The following CRTAP variants were observed in gnomAD, a reference collection of about 807,000 sequenced individuals.
CRTAP encodes cartilage-associated protein.
Under a neutral mutation model 42.7 loss-of-function variants are expected in CRTAP, and 33 were observed. The ratio of observed to expected loss-of-function variants is 0.77; its 90% confidence interval spans 0.59 to 1.03. CRTAP has a LOEUF of 1.03. Among genes scored for constraint, CRTAP ranks in the 50% least tolerant of loss-of-function variants. The pLI is 0.00. For synonymous variants in CRTAP, 243 were observed against 217.7 expected (o/e 1.12, Z -1.02); for missense variants, 613 against 533.9 (o/e 1.15, Z -1.46).
At chr3:33,135,605 T>C (rs2030397676) in intron 6 of CRTAP, among the ~76,000 whole-genome samples, 1 of 139,418 alleles carries the variant, frequency 7.2e-6, no homozygotes, top group South Asian at 2.2e-4. Context: ...AGACCCTGCC[T>C]CAAAAAAAAA....
intron 3 of CRTAP, 114 bp from the exon 4 acceptor site, chr3:33,129,825 C>T: frequency 9.4e-7 from 1 of 1,060,608 alleles, no homozygotes; most frequent in Non-Finnish European, 1.4e-6. Flanking sequence ...GCGTGAGCCA[C>T]CGCGCCCGGC....
chr3:33,121,054 A>G (rs927546293), intron 2 of CRTAP, among the ~76,000 whole-genome samples: 8 of 152,156 alleles, frequency 5.3e-5, no homozygotes, highest in Non-Finnish European at 1.5e-5. Flanking sequence ...ACTATTGTCA[A>G]GGTCTTCTGG....
intron 3 of CRTAP, among the ~76,000 whole-genome samples, chr3:33,126,115 A>G (rs2030060992): frequency 6.6e-6 from 1 of 152,168 alleles, no homozygotes; most frequent in Non-Finnish European, 1.5e-5. Flanking sequence ...TGTATGCGAT[A>G]ACTCCCCATA....
At chr3:33,127,008 T>C (rs542943222) in intron 3 of CRTAP, among the ~76,000 whole-genome samples, 193 of 152,214 alleles carry the variant, frequency 1.3e-3, no homozygotes, top group African/African-American at 4.6e-3. Flanking sequence ...ATATATACAT[T>C]TGTTCCATGT....
rs185994900 is a variant in CRTAP, at chr3:33,118,169, C to T, written c.472-2175C>T. Among the ~76,000 whole-genome samples, 372 of 151,946 alleles carry T rather than the reference C, an allele frequency of 2.4e-3. 1 individual carries two copies. Among genetic ancestry groups the T allele is most frequent in the African/African-American group, 8.6e-3 (355 of 41,424 alleles). On this transcript the variant is annotated intron_variant, in intron 1 of 6. Coordinates refer to ENST00000320954, the MANE Select transcript of CRTAP (RefSeq NM_006371.5). ...AGAGATGGGGTTTCATCATCTTGGC[C>T]AGGCTGATCTTGGACTCCTGACCTC...
At chr3:33,134,150 C>G (rs995836219) in intron 5 of CRTAP, 32 bp from the exon 6 acceptor site, 1 of 1,488,232 alleles carries the variant, frequency 6.7e-7, no homozygotes, top group African/African-American at 1.4e-5. Flanking sequence ...AAAGGTTGGT[C>G]CTATAAACTG....
chr3:33,126,372 T>C (rs913308974), intron 3 of CRTAP, among the ~76,000 whole-genome samples: 1 of 152,218 alleles, frequency 6.6e-6, no homozygotes, highest in African/African-American at 2.4e-5. Context: ...CTGCATTTTT[T>C]GTCCCGTAGA....
At chr3:33,131,404 G>A (rs185119743) in intron 4 of CRTAP, among the ~76,000 whole-genome samples, 1 of 152,224 alleles carries the variant, frequency 6.6e-6, no homozygotes, top group Admixed American at 6.5e-5. Flanking sequence ...ACTGAGCATG[G>A]CTTGGTTCTA....
chr3:33,138,685 A>G (rs1369433708), intron 6 of CRTAP, among the ~76,000 whole-genome samples: 2 of 152,202 alleles, frequency 1.3e-5, no homozygotes, highest in East Asian at 3.8e-4. Flanking sequence ...TGTTCTAGTT[A>G]AAACTTCTAG....
rs2030747056 is a variant in CRTAP at position 33,147,283 on chromosome 3, A to G, written c.*4835A>G. The G allele has an allele frequency of 2.0e-5, 3 of 152,826 alleles. No individual in the cohort carries two copies. The highest frequency in any genetic ancestry group is 7.2e-5 in the African/African-American group (3 of 41,472). 9.5% of individuals were successfully genotyped at this position (152,826 alleles called of 1,614,324 possible). On this transcript the variant is annotated 3_prime_UTR_variant, in exon 7 of 7. Transcript: ENST00000320954. ...TGACATCTCCCTGAAAGAGGACACC[A>G]TGACAGCCCGGCTTTGCCTTGACTG...
At position 33,114,023 on chromosome 3, in the gene CRTAP, CTCCCTCCCCTTT is replaced by C; in HGVS notation, c.-49_-38del. The C allele has an allele frequency of 2.3e-6, 3 of 1,319,844 alleles. No homozygotes were observed. Among genetic ancestry groups the C allele is most frequent in the Non-Finnish European group, 3.0e-6 (3 of 1,001,376 alleles). The allele number at this position is 1,319,844 out of a possible 1,614,324, so 81.8% of individuals were successfully genotyped here. ...TCGCACCGTCCTCTTTCCTTTCCTT[CTCCCTCCCCTTT>C]TCCCTTCCTTCGTCCCTTCCTTCCT... is the stretch of plus-strand genomic sequence containing the variant. On this transcript the variant is annotated 5_prime_UTR_variant, in exon 1 of 7. Coordinates refer to ENST00000320954, the MANE Select transcript of CRTAP (RefSeq NM_006371.5).
chr3:33,144,003 A>G lies in CRTAP; in HGVS notation c.*1555A>G, dbSNP rs1343553792. On this transcript the variant is annotated 3_prime_UTR_variant, in exon 7 of 7. Coordinates refer to ENST00000320954, the MANE Select transcript of CRTAP (RefSeq NM_006371.5). ...AACAGAGGAGTGCCTTGATTGATTT[A>G]TATTTTGCAAGGGTCATTCTAGCTG... 3 of 152,202 alleles carry G rather than the reference A, an allele frequency of 2.0e-5. No individual in the cohort carries two copies. The highest frequency in any genetic ancestry group is 7.2e-5 in the African/African-American group (3 of 41,436). 9.4% of individuals were successfully genotyped at this position (152,202 alleles called of 1,614,324 possible).
chr3:33,127,284 T>C (rs2030100734), intron 3 of CRTAP, among the ~76,000 whole-genome samples: 1 of 151,960 alleles, frequency 6.6e-6, no homozygotes, highest in Admixed American at 6.6e-5. Context: ...TTTTTATTTT[T>C]AAATAATTTC....
intron 4 of CRTAP, 116 bp downstream of exon 4, chr3:33,130,183 C>T: frequency 1.9e-6 from 2 of 1,036,262 alleles, no homozygotes; most frequent in African/African-American, 3.2e-5. Flanking sequence ...CACTGACAAC[C>T]CTGGTGCTAT....
At chr3:33,130,640 C>T (rs2030232304) in intron 4 of CRTAP, among the ~76,000 whole-genome samples, 1 of 149,562 alleles carries the variant, frequency 6.7e-6, no homozygotes, top group Non-Finnish European at 1.5e-5. Flanking sequence ...TCAAGTGATT[C>T]CCCTTCCTCA....
intron 1 of CRTAP, among the ~76,000 whole-genome samples, chr3:33,117,940 C>T (rs1701363599): frequency 6.6e-6 from 1 of 151,872 alleles, no homozygotes; most frequent in Non-Finnish European, 1.5e-5. Context: ...CTCTGTGCCC[C>T]TCTTTCTATT....
Position 33,114,459 on chromosome 3 carries a change from G to C in CRTAP, c.382G>C (p.Ala128Pro), listed in dbSNP as rs1701319018. ...CAAGCGCTGCAAGCAGGGCCTGCCA[G>C]CCTTCCGCCAGTCCCAGCCCAGCCG... ...CLKRCKQGLPAFRQSQPSREV... is the reference protein window; with the variant it reads ...CLKRCKQGLPPFRQSQPSREV... The change falls in exon 1 of 7, where the codon GCC becomes CCC. Residue 128 changes from alanine to proline, a missense_variant. Ala to Pro is a conservative substitution (Grantham distance 27, BLOSUM62 -1). Coordinates refer to ENST00000320954, the MANE Select transcript of CRTAP (RefSeq NM_006371.5). The C allele has an allele frequency of 1.9e-6, 3 of 1,587,632 alleles. No homozygotes were observed. The highest frequency in any genetic ancestry group is 2.7e-5 in the African/African-American group (2 of 74,356).
intron 3 of CRTAP, among the ~76,000 whole-genome samples, chr3:33,127,649 C>T (rs973970038): frequency 6.6e-6 from 1 of 151,834 alleles, no homozygotes; most frequent in Non-Finnish European, 1.5e-5. Context: ...GGTTTCACCA[C>T]GTTGGCCAGG....
At position 33,147,699 on chromosome 3, in the gene CRTAP, A is replaced by G. The variant is rs1042902772; in HGVS notation, c.*5251A>G. 6.6e-6 allele frequency: 1 copy of G among 152,230 alleles called. No homozygotes were observed. Among genetic ancestry groups the G allele is most frequent in the Non-Finnish European group, 1.5e-5 (1 of 68,044 alleles). 9.4% of individuals were successfully genotyped at this position (152,230 alleles called of 1,614,324 possible). On this transcript the variant is annotated 3_prime_UTR_variant, in exon 7 of 7. Transcript: ENST00000320954. ...GGTATGTACAAGCTCACTCTTGTTG[A>G]AAATTAGAAAATAGTTGAAAACAAA...
Sources: allele counts gnomAD v4.1 joint callset (sites outside exome capture counted in the v4.1 genomes callset), GRCh38; gene constraint gnomAD v4.1.1; transcripts MANE v1.5; gene names NCBI Gene and HGNC (gene_info 2026-07-23, HGNC 2026-07-21).